The following CTNNA3 variants were observed in gnomAD, a reference collection of about 807,000 sequenced individuals.
CTNNA3 encodes the protein catenin alpha 3.
A neutral mutation model predicts 95.7 loss-of-function variants in CTNNA3; 76 were observed. The ratio of observed to expected loss-of-function variants is 0.79; its 90% CI spans 0.66 to 0.96. CTNNA3 has a LOEUF of 0.96. Among genes scored for constraint, CTNNA3 ranks in the 40% least tolerant of loss-of-function variants. CTNNA3 has a pLI of 0.00. For missense variants in CTNNA3, 1,191 were observed against 1,089.8 expected (o/e 1.09, Z -1.31); for synonymous variants, 431 against 374.4 (o/e 1.15, Z -1.74).
chr10:67,084,933 G>T (rs540991312), intron 7 of CTNNA3, among the ~76,000 whole-genome samples: 5 of 151,918 alleles, frequency 3.3e-5, no homozygotes, highest in Non-Finnish European at 5.9e-5. Context: ...TTCATATTAT[G>T]TTATATTTGT....
chr10:66,023,941 A>G (rs973909616), intron 15 of CTNNA3, among the ~76,000 whole-genome samples: 2 of 152,198 alleles, frequency 1.3e-5, no homozygotes, highest in Non-Finnish European at 2.9e-5. Context: ...ATTTTAACCA[A>G]TACAAAGTTT....
At chr10:67,264,337 T>C (rs1265812137) in intron 5 of CTNNA3, among the ~76,000 whole-genome samples, 2 of 152,152 alleles carry the variant, frequency 1.3e-5, no homozygotes, top group African/African-American at 4.8e-5. Flanking sequence ...CAAAATTCAC[T>C]ATTAAATTTT....
Position 67,196,484 on chromosome 10 carries a change from T to G in CTNNA3, c.844-15964A>C, listed in dbSNP as rs145492766. ...TCAATTAAATATAATACATACAGAC[T>G]CCTTTAAAAATCTTGTAAGTAATGA... On this transcript the variant is annotated intron_variant, in intron 6 of 17. Coordinates refer to ENST00000433211, the MANE Select transcript of CTNNA3 (RefSeq NM_013266.4). Among the ~76,000 whole-genome samples the G allele has an allele frequency of 1.6e-3, 240 of 152,162 alleles. 3 individuals carry two copies. Among genetic ancestry groups the G allele is most frequent in the African/African-American group, 5.6e-3 (231 of 41,546 alleles).
intron 5 of CTNNA3, among the ~76,000 whole-genome samples, chr10:67,510,797 T>C (rs1315096729): frequency 6.6e-6 from 1 of 152,220 alleles, no homozygotes; most frequent in Admixed American, 6.5e-5. Flanking sequence ...TATGGCCATT[T>C]TCATGATATT....
At chr10:67,038,512 G>T (rs981016016) in intron 7 of CTNNA3, among the ~76,000 whole-genome samples, 1 of 152,058 alleles carries the variant, frequency 6.6e-6, no homozygotes, top group Non-Finnish European at 1.5e-5. Flanking sequence ...TGAAAATGAG[G>T]TTGATATATA....
intron 8 of CTNNA3, among the ~76,000 whole-genome samples, chr10:66,769,341 C>T (rs1201828090): frequency 6.6e-6 from 1 of 152,168 alleles, no homozygotes; most frequent in Non-Finnish European, 1.5e-5. Context: ...GTATCTCTCC[C>T]ACTGAAATCA....
intron 13 of CTNNA3, among the ~76,000 whole-genome samples, chr10:66,148,147 T>C (rs950046446): frequency 2.6e-5 from 4 of 152,124 alleles, no homozygotes; most frequent in Non-Finnish European, 5.9e-5. Context: ...CTTTTCTTAG[T>C]ATTTTCAGGA....
intron 7 of CTNNA3, among the ~76,000 whole-genome samples, chr10:66,919,578 A>T (rs1008073466): frequency 2.0e-5 from 3 of 152,162 alleles, no homozygotes; most frequent in Non-Finnish European, 4.4e-5. Context: ...CTCATTCATT[A>T]AATTTGTCTT....
At chr10:66,436,635 T>C (rs1007139669) in intron 11 of CTNNA3, among the ~76,000 whole-genome samples, 1 of 151,656 alleles carries the variant, frequency 6.6e-6, no homozygotes, top group Non-Finnish European at 1.5e-5. Flanking sequence ...GGGTCTTGAC[T>C]CTTTATCCAA....
intron 10 of CTNNA3, among the ~76,000 whole-genome samples, chr10:66,536,083 T>C (rs551709721): frequency 5.3e-5 from 8 of 151,642 alleles, no homozygotes; most frequent in Non-Finnish European, 8.8e-5. Flanking sequence ...TAGAGAGCTA[T>C]AGATTGTTGT....
At chr10:66,374,534 G>A (rs746453192) in intron 12 of CTNNA3, among the ~76,000 whole-genome samples, 1 of 151,496 alleles carries the variant, frequency 6.6e-6, no homozygotes, top group Admixed American at 6.6e-5. Flanking sequence ...GTAGGCCCTG[G>A]GAGAGATTCA....
chr10:67,675,576 C>A (rs1489086683), intron 1 of CTNNA3, among the ~76,000 whole-genome samples: 1 of 152,154 alleles, frequency 6.6e-6, no homozygotes, highest in Non-Finnish European at 1.5e-5. Flanking sequence ...TGCCCACATT[C>A]TAATGGGCAA....
chr10:66,908,621 C>T (rs1045047825), intron 7 of CTNNA3, among the ~76,000 whole-genome samples: 13 of 152,116 alleles, frequency 8.5e-5, no homozygotes, highest in Admixed American at 7.9e-4. Flanking sequence ...AAACTGAGAA[C>T]TTATAAAATG....
At chr10:67,755,415 G>A (rs764992262) in intron 1 of CTNNA3, among the ~76,000 whole-genome samples, 6 of 151,824 alleles carry the variant, frequency 4.0e-5, no homozygotes, top group Non-Finnish European at 7.4e-5. Context: ...AATTAGTACA[G>A]CCACTATGGA....
intron 1 of CTNNA3, among the ~76,000 whole-genome samples, chr10:67,733,591 G>T (rs955394020): frequency 6.6e-6 from 1 of 152,122 alleles, no homozygotes; most frequent in Non-Finnish European, 1.5e-5. Flanking sequence ...CACTTAGCTG[G>T]ATTCACCATC....
chr10:66,104,871 A>G (rs1017934808), intron 13 of CTNNA3, among the ~76,000 whole-genome samples: 1 of 152,190 alleles, frequency 6.6e-6, no homozygotes, highest in Non-Finnish European at 1.5e-5. Context: ...AGGGCTGCCA[A>G]TAGCCTTTCA....
intron 2 of CTNNA3, among the ~76,000 whole-genome samples, chr10:67,636,886 A>C (rs1329393856): frequency 2.0e-5 from 3 of 152,156 alleles, no homozygotes; most frequent in African/African-American, 7.2e-5. Flanking sequence ...TCAAAGACCA[A>C]AGGTAGATAA....
At chr10:66,280,213 A>T (rs536663472) in intron 13 of CTNNA3, among the ~76,000 whole-genome samples, 1 of 152,170 alleles carries the variant, frequency 6.6e-6, no homozygotes, top group Non-Finnish European at 1.5e-5. Context: ...CAAATCCTGC[A>T]CCCAACAAAT....
chr10:67,118,999 C>A (rs1237242147), intron 7 of CTNNA3, among the ~76,000 whole-genome samples: 4 of 151,842 alleles, frequency 2.6e-5, no homozygotes, highest in African/African-American at 7.2e-5. Flanking sequence ...TAGATACTTC[C>A]CCAAATTTTA....
Sources: gnomAD v4.1 joint callset for allele counts (sites outside exome capture counted in the v4.1 genomes callset) on GRCh38, gnomAD v4.1.1 for gene constraint, MANE v1.5 for transcripts, NCBI Gene and HGNC (gene_info 2026-07-23, HGNC 2026-07-21) for gene names.